The following VWA3B variants were observed in gnomAD, a reference collection of about 807,000 sequenced individuals.
VWA3B encodes von Willebrand factor A domain containing 3B, also known as von Willebrand factor A domain-containing protein 3B.
A neutral mutation model predicts 158.3 loss-of-function variants in VWA3B; 138 were observed. The ratio of observed to expected loss-of-function variants is 0.87; its 90% CI spans 0.76 to 1.00. The LOEUF is 1.00. VWA3B is among the 50% of genes least tolerant of loss of function. The pLI, the probability that VWA3B is intolerant of heterozygous loss-of-function variation, is 0.00. For missense variants in VWA3B, 1,555 were observed against 1,565.1 expected (o/e 0.99, Z 0.11); for synonymous variants, 596 against 587.3 (o/e 1.01, Z -0.21).
chr2:98,111,861 A>T (rs950338777), intron 2 of VWA3B, among the ~76,000 whole-genome samples: 11 of 152,002 alleles, frequency 7.2e-5, no homozygotes, highest in Admixed American at 2.0e-4. Flanking sequence ...CTTTTACTTT[A>T]TAAGTTGTCT....
intron 22 of VWA3B, among the ~76,000 whole-genome samples, chr2:98,285,257 TTTC>T (rs1689096790): frequency 6.6e-6 from 1 of 152,166 alleles, no homozygotes; most frequent in African/African-American, 2.4e-5. Context: ...ATATTTGCCT[TTTC>T]TATGCATTTT....
intron 10 of VWA3B, among the ~76,000 whole-genome samples, chr2:98,188,817 G>A (rs1681343732): frequency 1.3e-5 from 2 of 152,120 alleles, no homozygotes; most frequent in African/African-American, 4.8e-5. Flanking sequence ...AAAGGTGGGG[G>A]TTGTTTGGAT....
chr2:98,266,171 G>C (rs1687813434), intron 21 of VWA3B, among the ~76,000 whole-genome samples: 1 of 150,462 alleles, frequency 6.6e-6, no homozygotes, highest in Non-Finnish European at 1.5e-5. Context: ...GGTTTTTATG[G>C]TTTTAGGTCT....
intron 2 of VWA3B, among the ~76,000 whole-genome samples, chr2:98,104,007 A>T (rs1041672908): frequency 2.6e-5 from 4 of 152,178 alleles, no homozygotes; most frequent in Non-Finnish European, 5.9e-5. Context: ...GTTTACTTTG[A>T]TATTAATATA....
At chr2:98,178,299 G>A (rs1680185779) in intron 8 of VWA3B, among the ~76,000 whole-genome samples, 2 of 152,194 alleles carry the variant, frequency 1.3e-5, no homozygotes, top group South Asian at 2.1e-4. Flanking sequence ...TGCAAGGTTG[G>A]TTTAAAGTTC....
At chr2:98,309,991 G>A (rs1244124929) in intron 26 of VWA3B, among the ~76,000 whole-genome samples, 4 of 152,150 alleles carry the variant, frequency 2.6e-5, no homozygotes, top group African/African-American at 7.2e-5. Context: ...GGTGCCCTAG[G>A]ACATGGGACA....
chr2:98,256,185 C>T lies in VWA3B; in HGVS notation c.2843+11C>T, dbSNP rs979104770. The T allele has an allele frequency of 1.9e-6, 3 of 1,576,174 alleles. No homozygotes were observed. The highest frequency in any genetic ancestry group is 2.6e-6 in the Non-Finnish European group (3 of 1,168,794). ...AGAGGAAAAAGAAAAGTAAGCCATT[C>T]CATTCCCTCCTCACTTTTTTTTTTT... On this transcript the variant is annotated intron_variant, in intron 21 of 27. Coordinates refer to ENST00000477737, the MANE Select transcript of VWA3B (RefSeq NM_144992.5).
chr2:98,280,020 T>C (rs1688778511), intron 22 of VWA3B, among the ~76,000 whole-genome samples: 1 of 152,210 alleles, frequency 6.6e-6, no homozygotes, highest in East Asian at 1.9e-4. Context: ...CTGGTAGTGG[T>C]TCATACGTCA....
intron 16 of VWA3B, among the ~76,000 whole-genome samples, chr2:98,232,232 G>A (rs982252512): frequency 2.6e-5 from 4 of 152,108 alleles, no homozygotes; most frequent in Non-Finnish European, 4.4e-5. Context: ...TCAGTAATTG[G>A]TCTATTGTTT....
chr2:98,212,924 A>C (rs1308012919), intron 13 of VWA3B, among the ~76,000 whole-genome samples: 1 of 152,180 alleles, frequency 6.6e-6, no homozygotes, highest in Non-Finnish European at 1.5e-5. Flanking sequence ...GTAACAGCTC[A>C]TCCCTGCCTT....
At chr2:98,169,691 G>A (rs1307550945) in intron 8 of VWA3B, among the ~76,000 whole-genome samples, 1 of 150,632 alleles carries the variant, frequency 6.6e-6, no homozygotes, top group Non-Finnish European at 1.5e-5. Context: ...GTTCAGAGAC[G>A]TGGGTGGGAC....
At chr2:98,292,854 C>T (rs563166244) in intron 23 of VWA3B, among the ~76,000 whole-genome samples, 6 of 152,016 alleles carry the variant, frequency 3.9e-5, no homozygotes, top group African/African-American at 1.2e-4. Flanking sequence ...ATCCCAGCTA[C>T]TCGGGAGGCT....
At chr2:98,147,219 A>G (rs1017655708) in intron 7 of VWA3B, among the ~76,000 whole-genome samples, 3 of 152,228 alleles carry the variant, frequency 2.0e-5, no homozygotes, top group Non-Finnish European at 2.9e-5. Flanking sequence ...GTTTCTAATT[A>G]TTGGACCAGG....
intron 19 of VWA3B, among the ~76,000 whole-genome samples, chr2:98,242,526 T>C (rs1371023796): frequency 6.6e-6 from 1 of 151,922 alleles, no homozygotes; most frequent in Non-Finnish European, 1.5e-5. Context: ...CTGGAGAGTC[T>C]ACATCATCAC....
At chr2:98,090,970 G>A (rs963947878) in intron 1 of VWA3B, among the ~76,000 whole-genome samples, 1 of 151,828 alleles carries the variant, frequency 6.6e-6, no homozygotes, top group African/African-American at 2.4e-5. Context: ...ATGTTGGTCA[G>A]GGTAGTCTCG....
intron 8 of VWA3B, among the ~76,000 whole-genome samples, chr2:98,170,630 G>A (rs1215284771): frequency 6.6e-6 from 1 of 151,010 alleles, no homozygotes; most frequent in Non-Finnish European, 1.5e-5. Flanking sequence ...TTTTGAGATG[G>A]AGTATATCGC....
chr2:98,239,249 A>G (rs1685908519), intron 19 of VWA3B, among the ~76,000 whole-genome samples: 1 of 152,232 alleles, frequency 6.6e-6, no homozygotes, highest in African/African-American at 2.4e-5. Flanking sequence ...TTAGCCAACA[A>G]TGGAAAACAA....
intron 10 of VWA3B, among the ~76,000 whole-genome samples, chr2:98,191,232 A>G (rs1020182925): frequency 2.6e-5 from 4 of 152,076 alleles, no homozygotes; most frequent in African/African-American, 9.7e-5. Context: ...TTCTGTTTAT[A>G]CTTTACCTTT....
downstream of VWA3B, among the ~76,000 whole-genome samples, chr2:98,314,548 CA>C (rs1289009074): frequency 3.3e-5 from 5 of 152,186 alleles, no homozygotes; most frequent in East Asian, 5.8e-4. Flanking sequence ...AGCTGAAAAG[CA>C]AGCCTGGGAA....
Sources: gnomAD v4.1 joint callset for allele counts (sites outside exome capture counted in the v4.1 genomes callset) on GRCh38, gnomAD v4.1.1 for gene constraint, MANE v1.5 for transcripts, NCBI Gene and HGNC (gene_info 2026-07-23, HGNC 2026-07-21) for gene names.